Variants in KIF18A observed in about 807,000 individuals in gnomAD.
KIF18A encodes kinesin-like protein KIF18A.
In KIF18A, 67 loss-of-function variants were observed where a neutral mutation model predicts 103.3. The ratio of observed to expected loss-of-function variants is 0.65; its 90% CI spans 0.53 to 0.79. The LOEUF (loss-of-function observed/expected upper bound fraction) is 0.79, where lower values mean the gene tolerates loss of function less well. KIF18A is among the 30% of genes least tolerant of loss of function. The pLI, the probability that KIF18A is intolerant of heterozygous loss-of-function variation, is 0.00. For missense variants in KIF18A, 1,032 were observed against 1,062.5 expected, an observed-to-expected ratio of 0.97 and a Z score of 0.40; for synonymous variants, 367 against 355.5, an observed-to-expected ratio of 1.03 and a Z score of -0.36.
intron 10 of KIF18A, among the ~76,000 whole-genome samples, chr11:28,072,520 C>T (rs1359206790): frequency 6.6e-6 from 1 of 152,122 alleles, no homozygotes; most frequent in East Asian, 1.9e-4. Flanking sequence ...TTTACTCATA[C>T]TACAGTTTGA....
rs1047280478 is a variant in KIF18A, at chr11:28,062,345, G to A, written c.1712+50C>T. ...TGGCAGTGGAAAATTGAACTTCTGT[G>A]CTTCAGATATAGTGTTAAAATTGGA... On this transcript the variant is annotated intron_variant, in intron 12 of 16. Coordinates refer to ENST00000263181, the MANE Select transcript of KIF18A (RefSeq NM_031217.4). The A allele has an allele frequency of 2.7e-6, 4 of 1,499,038 alleles. No individual in the cohort carries two copies. The African/African-American group carries it at 4.2e-5, about 16-fold the overall frequency. The allele number at this position is 1,499,038 out of a possible 1,614,324, so 92.9% of individuals were successfully genotyped here.
intron 1 of KIF18A, among the ~76,000 whole-genome samples, chr11:28,099,872 T>C (rs548139643): frequency 7.2e-5 from 11 of 151,918 alleles, no homozygotes; most frequent in Non-Finnish European, 2.9e-5. Flanking sequence ...AGCACAGGAG[T>C]GACATAATCT....
chr11:28,069,708 G>A (rs368785313), intron 10 of KIF18A, among the ~76,000 whole-genome samples: 3 of 149,630 alleles, frequency 2.0e-5, no homozygotes, highest in African/African-American at 4.9e-5. Flanking sequence ...TTTTTTTGGC[G>A]TTAAAGTACA....
At chr11:28,054,782 CTAATA>C (rs1850756976) in intron 13 of KIF18A, among the ~76,000 whole-genome samples, 1 of 152,134 alleles carries the variant, frequency 6.6e-6, no homozygotes, top group South Asian at 2.1e-4. Context: ...AACTCACCTT[CTAATA>C]TGTGTTCAAG....
intron 9 of KIF18A, among the ~76,000 whole-genome samples, chr11:28,079,765 T>C (rs1258585534): frequency 4.7e-5 from 2 of 42,956 alleles, no homozygotes; most frequent in Non-Finnish European, 8.8e-5. Flanking sequence ...CCTTATGGAG[T>C]AATTTCCAAA....
At chr11:28,091,190 A>G (rs1851299207) in intron 4 of KIF18A, among the ~76,000 whole-genome samples, 1 of 150,796 alleles carries the variant, frequency 6.6e-6, no homozygotes, top group African/African-American at 2.4e-5. Context: ...ACATACGTAG[A>G]TTAAAATTTA....
At chr11:28,089,081 C>T (rs1246427534) in intron 5 of KIF18A, among the ~76,000 whole-genome samples, 1 of 152,154 alleles carries the variant, frequency 6.6e-6, no homozygotes, top group African/African-American at 2.4e-5. Context: ...ACCAAAGCTA[C>T]TCGTTAGAAT....
intron 11 of KIF18A, among the ~76,000 whole-genome samples, chr11:28,064,982 G>A (rs955102079): frequency 6.6e-5 from 10 of 152,118 alleles, no homozygotes; most frequent in South Asian, 4.2e-4. Context: ...TCAGTTTTGC[G>A]TTTTAAAAAC....
intron 16 of KIF18A, among the ~76,000 whole-genome samples, chr11:28,021,598 C>A (rs1850246235): frequency 6.6e-6 from 1 of 152,160 alleles, no homozygotes; most frequent in African/African-American, 2.4e-5. Context: ...TTTCTACAAG[C>A]ATTTCTTCAT....
At chr11:28,052,488 G>A (rs975269599) in intron 13 of KIF18A, among the ~76,000 whole-genome samples, 1 of 151,806 alleles carries the variant, frequency 6.6e-6, no homozygotes, top group Non-Finnish European at 1.5e-5. Context: ...CTGTGATTGT[G>A]TCCCTCTACC....
intron 10 of KIF18A, among the ~76,000 whole-genome samples, chr11:28,071,431 T>G (rs189515568): frequency 6.8e-4 from 103 of 150,624 alleles, no homozygotes; most frequent in African/African-American, 2.3e-3. Context: ...TAACCACACA[T>G]AATTTTTATT....
At chr11:28,055,206 C>T (rs886735627) in intron 13 of KIF18A, among the ~76,000 whole-genome samples, 8 of 152,034 alleles carry the variant, frequency 5.3e-5, no homozygotes, top group Non-Finnish European at 7.4e-5. Context: ...ATCCAACTTC[C>T]GTATTTTCTT....
In KIF18A at chr11:28,059,024, G is replaced by A; in HGVS notation, c.1850C>T (p.Ala617Val). The A allele has an allele frequency of 6.2e-7, 1 of 1,614,076 alleles. No homozygotes were observed. Among genetic ancestry groups the A allele is most frequent in the Non-Finnish European group, 8.5e-7 (1 of 1,179,982 alleles). ...LVERKKVVVW[A>V]DQTAEQPKQN... ...CTTTGGTTGTTCGGCAGTTTGGTCA[G>A]CCCAAACTACCACTTTTTTCCTCTC... The change falls in exon 13 of 17, where the codon GCT (alanine) becomes GTT (valine). Residue 617 changes from alanine to valine, a missense_variant. Coordinates refer to ENST00000263181, the MANE Select transcript of KIF18A (RefSeq NM_031217.4).
chr11:28,080,502 C>T (rs1851152032), intron 9 of KIF18A, among the ~76,000 whole-genome samples: 1 of 152,004 alleles, frequency 6.6e-6, no homozygotes, highest in Admixed American at 6.6e-5. Flanking sequence ...ACATATCTGT[C>T]ATGGTGATTT....
At chr11:28,061,654 CT>C (rs1180084801) in intron 12 of KIF18A, among the ~76,000 whole-genome samples, 1 of 151,748 alleles carries the variant, frequency 6.6e-6, no homozygotes, top group African/African-American at 2.4e-5. Flanking sequence ...TTTCATTTTT[CT>C]TTTTTAAAAA....
intron 9 of KIF18A, among the ~76,000 whole-genome samples, chr11:28,079,901 A>C (rs907733230): frequency 6.6e-6 from 1 of 152,116 alleles, no homozygotes; most frequent in Non-Finnish European, 1.5e-5. Flanking sequence ...ACTTTTGCAT[A>C]CTGTATTACT....
chr11:28,069,476 C>T (rs1850982273), intron 10 of KIF18A, 53 bp from the exon 11 acceptor site: 2 of 1,514,164 alleles, frequency 1.3e-6, no homozygotes, highest in African/African-American at 1.4e-5. Flanking sequence ...ATTTGATGTA[C>T]ATGATATTAG....
intron 9 of KIF18A, among the ~76,000 whole-genome samples, chr11:28,082,421 C>T (rs1851176701): frequency 6.6e-6 from 1 of 152,100 alleles, no homozygotes; most frequent in Non-Finnish European, 1.5e-5. Context: ...ATGCCATAAA[C>T]ATTGAGGGAA....
At chr11:28,095,587 T>C (rs1475421225) in intron 2 of KIF18A, among the ~76,000 whole-genome samples, 1 of 152,250 alleles carries the variant, frequency 6.6e-6, no homozygotes, top group African/African-American at 2.4e-5. Context: ...AAGCAGGTAC[T>C]TGAATAAATA....
Sources: allele counts gnomAD v4.1 joint callset (sites outside exome capture counted in the v4.1 genomes callset), GRCh38; gene constraint gnomAD v4.1.1; transcripts MANE v1.5; gene names NCBI Gene and HGNC (gene_info 2026-07-23, HGNC 2026-07-21).